Variants in SLC7A2 observed in about 807,000 individuals in gnomAD.
SLC7A2 encodes the protein solute carrier family 7 member 2, also known as cationic amino acid transporter 2.
A neutral mutation model predicts 58.9 loss-of-function variants in SLC7A2; 48 were observed. That is an observed-to-expected ratio of 0.82 (90% CI 0.65 to 1.04). The LOEUF (loss-of-function observed/expected upper bound fraction) is 1.04. Ranked by LOEUF, SLC7A2 falls within the 50% of genes least tolerant of loss-of-function variation. The probability of loss-of-function intolerance (pLI) is 0.00; values close to 1 mark genes in which losing one functional copy is unlikely to be tolerated. For synonymous variants in SLC7A2, 363 were observed against 314.5 expected, an observed-to-expected ratio of 1.15 and a Z score of -1.63; for missense variants, 1,029 against 818.8, an observed-to-expected ratio of 1.26 and a Z score of -3.13.
At chr8:17,521,993 A>AGTGGCT (rs1801033075) in intron 2 of SLC7A2, among the ~76,000 whole-genome samples, 1 of 152,200 alleles carries the variant, frequency 6.6e-6, no homozygotes, top group South Asian at 2.1e-4. Flanking sequence ...TAATGACTGT[A>AGTGGCT]GTGGCTGCCT....
At chr8:17,554,894 A>C in intron 8 of SLC7A2, 195 bp downstream of exon 8, 6 of 1,602,984 alleles carry the variant, frequency 3.7e-6, no homozygotes, top group Non-Finnish European at 5.1e-6. Flanking sequence ...ATACCTGTCT[A>C]GAATAATCCT....
intron 2 of SLC7A2, among the ~76,000 whole-genome samples, chr8:17,513,269 T>C (rs1800676412): frequency 6.6e-6 from 1 of 152,198 alleles, no homozygotes; most frequent in Non-Finnish European, 1.5e-5. Context: ...TACATTACCG[T>C]GGACACAAGG....
rs985574878 is a variant in SLC7A2 at position 17,527,034 on chromosome 8, T to G, written c.-22-16284T>G. Among the ~76,000 whole-genome samples the G allele has an allele frequency of 2.0e-5, 3 of 152,262 alleles. No individual in the cohort carries two copies. In the East Asian group the frequency reaches 5.8e-4, roughly 29 times the overall value. ...ATCTTGGTGGCATGCCATGGTACTCTGCCCTTGGCTCTGTCAGGTTTAACT... is the reference window on the plus strand; with the variant it reads ...ATCTTGGTGGCATGCCATGGTACTCGGCCCTTGGCTCTGTCAGGTTTAACT... On this transcript the variant is annotated intron_variant, in intron 2 of 12. Coordinates refer to ENST00000494857, the MANE Select transcript of SLC7A2 (RefSeq NM_001370338.1).
Position 17,526,444 on chromosome 8 carries a change from G to A in SLC7A2, c.-22-16874G>A, listed in dbSNP as rs148356803. ...GGCCACCTGACTAGGAGGACAGGAC[G>A]CATGATGGAAAAGGACCTGAAGCCC... On this transcript the variant is annotated intron_variant, in intron 2 of 12. Coordinates refer to ENST00000494857, the MANE Select transcript of SLC7A2 (RefSeq NM_001370338.1). Among the ~76,000 whole-genome samples, 781 of 152,224 alleles carry A rather than the reference G, an allele frequency of 5.1e-3. 8 individuals are homozygous for A. The highest frequency in any genetic ancestry group is 0.018 in the African/African-American group (739 of 41,504).
chr8:17,527,879 A>T (rs911119410), intron 2 of SLC7A2, among the ~76,000 whole-genome samples: 1 of 152,180 alleles, frequency 6.6e-6, no homozygotes, highest in Non-Finnish European at 1.5e-5. Flanking sequence ...ACACAATTCA[A>T]TACATAACAA....
intron 2 of SLC7A2, among the ~76,000 whole-genome samples, chr8:17,528,398 T>A (rs1398319921): frequency 6.6e-6 from 1 of 152,106 alleles, no homozygotes; most frequent in Non-Finnish European, 1.5e-5. Flanking sequence ...TTATTTGTTT[T>A]TTTAGAGACA....
At chr8:17,515,054 A>G (rs1427521638) in intron 2 of SLC7A2, among the ~76,000 whole-genome samples, 1 of 152,208 alleles carries the variant, frequency 6.6e-6, no homozygotes, top group East Asian at 1.9e-4. Context: ...ATGCAAGGGT[A>G]CCAGGAAAAG....
chr8:17,533,141 GAGTATTTTATTCAGATTTATCTGAAGCC>G lies in SLC7A2; in HGVS notation c.-22-10171_-22-10144del, dbSNP rs557935793. Reference sequence around the variant, plus strand: ...ATTGCTTTCTCTGAGCACACAATGGGAGTATTTTATTCAGATTTATCTGAAGCCAGTATGAACTTGCAAACTTCTCTGA... The same window carrying G: ...ATTGCTTTCTCTGAGCACACAATGGGAGTATGAACTTGCAAACTTCTCTGA... On this transcript the variant is annotated intron_variant, in intron 2 of 12. Coordinates refer to ENST00000494857, the MANE Select transcript of SLC7A2 (RefSeq NM_001370338.1). Among the ~76,000 whole-genome samples, 9 of 152,252 alleles carry G rather than the reference GAGTATTTTATTCAGATTTATCTGAAGCC, an allele frequency of 5.9e-5. No individual in the cohort carries two copies. The South Asian group carries it at 1.9e-3, about 32-fold the overall frequency.
chr8:17,556,309 A>G (rs908751964), intron 8 of SLC7A2, among the ~76,000 whole-genome samples: 6 of 151,812 alleles, frequency 4.0e-5, no homozygotes, highest in Admixed American at 3.9e-4. Flanking sequence ...AATACTTGCC[A>G]GTAATGATGC....
intron 2 of SLC7A2, among the ~76,000 whole-genome samples, chr8:17,523,471 C>T (rs568655963): frequency 2.6e-5 from 4 of 152,218 alleles, no homozygotes; most frequent in African/African-American, 7.2e-5. Context: ...ATATTTACAG[C>T]CAACTAATCT....
At chr8:17,508,687 C>A (rs1557596) in intron 2 of SLC7A2, among the ~76,000 whole-genome samples, 2 of 151,860 alleles carry the variant, frequency 1.3e-5, no homozygotes, top group South Asian at 2.1e-4. Flanking sequence ...CCACTCCAGC[C>A]TGCGAGACAG....
rs1261340950 is a variant in SLC7A2, at chr8:17,567,676, A to G, written c.*2530A>G. 6.6e-6 allele frequency: 1 copy of G among 152,586 alleles called. No homozygotes were observed. Among genetic ancestry groups the G allele is most frequent in the Admixed American group, 6.5e-5 (1 of 15,286 alleles). 9.5% of individuals were successfully genotyped at this position (152,586 alleles called of 1,614,324 possible). ...GGTACAAAACCCAACTGATGTGGAG[A>G]AAAATTGATGTTTGATGTTGATAGA... On this transcript the variant is annotated 3_prime_UTR_variant, in exon 13 of 13. Transcript: ENST00000494857.
chr8:17,552,107 T>A, intron 7 of SLC7A2, 121 bp downstream of exon 7: 1 of 690,088 alleles, frequency 1.4e-6, no homozygotes, highest in Non-Finnish European at 2.5e-6. Context: ...TATGCAACTT[T>A]GTATTTATTG....
Position 17,566,112 on chromosome 8 carries a change from T to A in SLC7A2, c.*966T>A, listed in dbSNP as rs1276943130. 2 of 152,226 alleles carry A rather than the reference T, an allele frequency of 1.3e-5. No individual in the cohort carries two copies. The highest frequency in any genetic ancestry group is 4.8e-5 in the African/African-American group (2 of 41,454). 9.4% of individuals were successfully genotyped at this position (152,226 alleles called of 1,614,324 possible). ...CAAGCATCCTTTTCTAAAAAGTGAC[T>A]TAAAATAAGCCAACAGACTCTCCCA... On this transcript the variant is annotated 3_prime_UTR_variant, in exon 13 of 13. Transcript: ENST00000494857.
In SLC7A2 at chr8:17,560,500, G is replaced by C. The variant is rs894733373; in HGVS notation, c.1471G>C (p.Ala491Pro). 1 of 1,613,932 alleles carries C rather than the reference G, an allele frequency of 6.2e-7. No homozygotes were observed. Among genetic ancestry groups the C allele is most frequent in the Non-Finnish European group, 8.5e-7 (1 of 1,179,870 alleles). The change falls in exon 10 of 13, where the codon GCT (alanine) becomes CCT (proline). Residue 491 changes from alanine to proline, a missense_variant. Coordinates refer to ENST00000494857, the MANE Select transcript of SLC7A2 (RefSeq NM_001370338.1). Reference sequence around the variant, plus strand: ...CTCCCTTCTGCCAACACAGCAGTCAGCTTCTCTCGTGAGCTTTCTGGTAGG... The same window carrying C: ...CTCCCTTCTGCCAACACAGCAGTCACCTTCTCTCGTGAGCTTTCTGGTAGG... ...CPSLLPTQQS[A>P]SLVSFLVGFL...
chr8:17,540,066 G>T (rs770944240), intron 2 of SLC7A2, among the ~76,000 whole-genome samples: 19 of 151,858 alleles, frequency 1.3e-4, no homozygotes, highest in Non-Finnish European at 2.2e-4. Flanking sequence ...ATATCAGTGT[G>T]TCTCGACAAA....
At chr8:17,527,143 C>T (rs1801253891) in intron 2 of SLC7A2, among the ~76,000 whole-genome samples, 1 of 152,076 alleles carries the variant, frequency 6.6e-6, no homozygotes, top group Admixed American at 6.6e-5. Context: ...GTACTTAATG[C>T]ATGATTGACA....
chr8:17,557,458 C>T (rs563326111), intron 8 of SLC7A2, among the ~76,000 whole-genome samples: 87 of 152,048 alleles, frequency 5.7e-4, no homozygotes, highest in African/African-American at 2.0e-3. Flanking sequence ...TGGCTTTAAT[C>T]GTAGTAGAAT....
At chr8:17,528,686 G>A (rs765987032) in intron 2 of SLC7A2, among the ~76,000 whole-genome samples, 1 of 152,194 alleles carries the variant, frequency 6.6e-6, no homozygotes, top group Non-Finnish European at 1.5e-5. Context: ...TTACAGGTCT[G>A]AGCCACTGCC....
Sources: gnomAD v4.1 joint callset for allele counts (sites outside exome capture counted in the v4.1 genomes callset) on GRCh38, gnomAD v4.1.1 for gene constraint, MANE v1.5 for transcripts, NCBI Gene and HGNC (gene_info 2026-07-23, HGNC 2026-07-21) for gene names.